The following SRGAP1 variants were observed in gnomAD, a reference collection of about 807,000 sequenced individuals.
SRGAP1 encodes the protein SLIT-ROBO Rho GTPase activating protein 1.
SRGAP1 carries 43 observed loss-of-function variants against 121.9 expected under a neutral mutation model. The observed-to-expected ratio is 0.35, with a 90% CI of 0.28 to 0.46. SRGAP1 has a LOEUF of 0.46. SRGAP1 is among the 20% of genes least tolerant of loss of function. The probability of loss-of-function intolerance (pLI) is 1.00; values close to 1 mark genes in which losing one functional copy is unlikely to be tolerated. For missense variants in SRGAP1, 1,102 were observed against 1,350.9 expected, an observed-to-expected ratio of 0.82 and a Z score of 2.89; for synonymous variants, 447 against 485.4, an observed-to-expected ratio of 0.92 and a Z score of 1.04.
At chr12:64,119,979 C>T (rs956352636) in intron 18 of SRGAP1, among the ~76,000 whole-genome samples, 2 of 151,890 alleles carry the variant, frequency 1.3e-5, no homozygotes, top group African/African-American at 4.8e-5. Context: ...CCATGTTGGC[C>T]AGGCTGGTCT....
chr12:63,983,800 AT>A (rs2033322705), intron 1 of SRGAP1, 146 bp from the exon 2 acceptor site: 1 of 832 alleles, frequency 1.2e-3, no homozygotes, highest in Non-Finnish European at 4.7e-3. Context: ...CATTTAAAAT[AT>A]ATATATATAT....
intron 3 of SRGAP1, among the ~76,000 whole-genome samples, chr12:64,008,378 A>G (rs1218175630): frequency 6.7e-6 from 1 of 148,400 alleles, no homozygotes; most frequent in Non-Finnish European, 1.5e-5. Flanking sequence ...TTCTTTTTCT[A>G]TTTGTTTTGG....
intron 8 of SRGAP1, among the ~76,000 whole-genome samples, chr12:64,075,839 TATTA>T (rs1331452536): frequency 4.6e-5 from 7 of 152,118 alleles, no homozygotes; most frequent in Admixed American, 4.6e-4. Flanking sequence ...CTTTTTTTAA[TATTA>T]ATTCCATCAC....
In SRGAP1 at chr12:64,146,304, A is replaced by G. The variant is rs1565702260; in HGVS notation, c.*3632A>G. 6.6e-6 allele frequency: 1 copy of G among 152,194 alleles called. No individual in the cohort carries two copies. The allele number at this position is 152,194 out of a possible 1,614,324, so 9.4% of individuals were successfully genotyped here. On this transcript the variant is annotated 3_prime_UTR_variant, in exon 22 of 22. Coordinates refer to ENST00000355086, the MANE Select transcript of SRGAP1 (RefSeq NM_020762.4). The stretch of plus-strand genomic sequence containing the variant: ...TCTACTGCAATGATCGTGAACAGTT[A>G]TCAGTGGATATAGTGCTCCAAGAGT...
chr12:64,004,693 G>T (rs1299449167), intron 3 of SRGAP1, among the ~76,000 whole-genome samples: 2 of 152,136 alleles, frequency 1.3e-5, no homozygotes, highest in Non-Finnish European at 2.9e-5. Flanking sequence ...TTTCAAAGAG[G>T]CATAGACACA....
intron 1 of SRGAP1, among the ~76,000 whole-genome samples, chr12:63,957,499 C>T (rs540805756): frequency 1.8e-4 from 28 of 152,274 alleles, no homozygotes; most frequent in African/African-American, 6.3e-4. Flanking sequence ...TCAGGCATAG[C>T]GCAGCCTGGC....
intron 1 of SRGAP1, among the ~76,000 whole-genome samples, chr12:63,967,025 C>A (rs1216822985): frequency 6.6e-6 from 1 of 152,182 alleles, no homozygotes; most frequent in African/African-American, 2.4e-5. Flanking sequence ...TTTATCCTGT[C>A]TTTTAAGTGC....
chr12:63,972,021 A>G (rs1364126845), intron 1 of SRGAP1, among the ~76,000 whole-genome samples: 1 of 152,152 alleles, frequency 6.6e-6, no homozygotes. Flanking sequence ...ATGTAGTTAA[A>G]TCAAAATAAG....
At position 63,844,719 on chromosome 12, in the gene SRGAP1, C is replaced by A; in HGVS notation, c.-98C>A. 1 of 1,197,970 alleles carries A rather than the reference C, an allele frequency of 8.3e-7. No individual in the cohort carries two copies. The highest frequency in any genetic ancestry group is 1.2e-6 in the Non-Finnish European group (1 of 800,360). 74.2% of individuals were successfully genotyped at this position (1,197,970 alleles called of 1,614,324 possible). A position where few individuals can be genotyped will look rare whatever the true frequency, so the allele number is the denominator to read the frequency against. Reference sequence around the variant, plus strand: ...TCGGGTCGGCGCTGCCTCTGGATTGCCTGCGTGTGGGAGTACAACTCTGCC... The same window carrying A: ...TCGGGTCGGCGCTGCCTCTGGATTGACTGCGTGTGGGAGTACAACTCTGCC... On this transcript the variant is annotated 5_prime_UTR_variant, in exon 1 of 22. Transcript: ENST00000355086. The surrounding 1 kb of genome is among the most constrained non-coding windows in gnomAD (Gnocchi z 4.3).
rs993401744 is a variant in SRGAP1, at chr12:64,146,372, C to G, written c.*3700C>G. The G allele has an allele frequency of 9.9e-5, 15 of 151,650 alleles. No individual in the cohort carries two copies. The highest frequency in any genetic ancestry group is 3.1e-4 in the African/African-American group (13 of 41,392). The allele number at this position is 151,650 out of a possible 1,614,324, so 9.4% of individuals were successfully genotyped here. A position where few individuals can be genotyped will look rare whatever the true frequency, so the allele number is the denominator to read the frequency against. Reference sequence around the variant, plus strand: ...GGGTTTTCTAACTTTTGCTATCCCCCCCGCGACCAAAAAAAGGGGGGGTTT... The same window carrying G: ...GGGTTTTCTAACTTTTGCTATCCCCGCCGCGACCAAAAAAAGGGGGGGTTT... On this transcript the variant is annotated 3_prime_UTR_variant, in exon 22 of 22. Transcript: ENST00000355086.
At chr12:64,121,745 A>G (rs958499780) in intron 18 of SRGAP1, among the ~76,000 whole-genome samples, 1 of 152,182 alleles carries the variant, frequency 6.6e-6, no homozygotes, top group African/African-American at 2.4e-5. Context: ...GAATCTCACC[A>G]TCATGCCATC....
intron 1 of SRGAP1, among the ~76,000 whole-genome samples, chr12:63,853,309 C>T (rs982898495): frequency 1.3e-5 from 2 of 152,076 alleles, no homozygotes; most frequent in Non-Finnish European, 2.9e-5. Flanking sequence ...GTGTGAGCCA[C>T]CGCACCCGGC....
At chr12:64,097,677 T>C (rs1249820123) in intron 15 of SRGAP1, 17 of 257,832 alleles carry the variant, frequency 6.6e-5, no homozygotes, top group Non-Finnish European at 1.5e-5. Flanking sequence ...AAGGAGGAAG[T>C]TGTAAGCTGG....
chr12:64,118,175 T>C (rs753828783), intron 18 of SRGAP1, among the ~76,000 whole-genome samples: 9 of 152,214 alleles, frequency 5.9e-5, no homozygotes, highest in Non-Finnish European at 1.3e-4. Context: ...CTGTGCTGTT[T>C]TCTGAAGCAG....
chr12:64,123,667 T>G (rs529649894), intron 18 of SRGAP1, among the ~76,000 whole-genome samples: 3,120 of 150,338 alleles, frequency 0.021, 131 homozygotes, highest in African/African-American at 0.071. Flanking sequence ...TTTATTTATT[T>G]ATTTATTTAT....
At chr12:63,980,248 C>T (rs2033211087) in intron 1 of SRGAP1, among the ~76,000 whole-genome samples, 1 of 152,118 alleles carries the variant, frequency 6.6e-6, no homozygotes, top group Non-Finnish European at 1.5e-5. Flanking sequence ...GAGATAGGGT[C>T]TCCCTATCTT....
chr12:64,147,235 T>A lies in SRGAP1; in HGVS notation c.*4563T>A, dbSNP rs1266458288. The A allele has an allele frequency of 8.2e-6, 3 of 363,690 alleles. No individual in the cohort carries two copies. The highest frequency in any genetic ancestry group is 1.5e-5 in the Non-Finnish European group (3 of 204,054). The allele number at this position is 363,690 out of a possible 1,614,324, so 22.5% of individuals were successfully genotyped here. ...TTGATCAATTGCGGTACCGGTAGCT[T>A]CCTGCTTGTGACTGTTACCTAATTG... On this transcript the variant is annotated 3_prime_UTR_variant, in exon 22 of 22. Coordinates refer to ENST00000355086, the MANE Select transcript of SRGAP1 (RefSeq NM_020762.4).
chr12:63,974,513 A>G (rs1021202820), intron 1 of SRGAP1, among the ~76,000 whole-genome samples: 3 of 151,968 alleles, frequency 2.0e-5, no homozygotes, highest in African/African-American at 2.4e-5. Flanking sequence ...ACAGTTCCTT[A>G]TTTTCTTTTA....
At chr12:63,871,546 T>C (rs1899855170) in intron 1 of SRGAP1, among the ~76,000 whole-genome samples, 1 of 152,210 alleles carries the variant, frequency 6.6e-6, no homozygotes. Flanking sequence ...GTCATCACAT[T>C]TGACACCTGA....
Sources: allele counts gnomAD v4.1 joint callset (sites outside exome capture counted in the v4.1 genomes callset), GRCh38; gene constraint gnomAD v4.1.1; non-coding constraint Gnocchi (gnomAD v3.1); transcripts MANE v1.5; gene names NCBI Gene and HGNC (gene_info 2026-07-23, HGNC 2026-07-21).